SCNN1A: variants seen among roughly 807,000 people sequenced by gnomAD.
SCNN1A encodes sodium channel epithelial 1 subunit alpha.
A neutral mutation model predicts 68.6 loss-of-function variants in SCNN1A; 65 were observed. That is an observed-to-expected ratio of 0.95 (90% CI 0.78 to 1.16). The LOEUF is 1.16. SCNN1A is among the 50% of genes most tolerant of loss of function. SCNN1A has a pLI of 0.00. For synonymous variants in SCNN1A, 357 were observed against 353.3 expected (o/e 1.01, Z -0.12); for missense variants, 880 against 865.9 (o/e 1.02, Z -0.20).
At chr12:6,354,605 C>T (rs547068899) in intron 7 of SCNN1A, 50 bp from the exon 8 acceptor site, 2 of 1,454,580 alleles carry the variant, frequency 1.4e-6, no homozygotes, top group East Asian at 2.3e-5. Context: ...CTGAACTCAG[C>T]AGTTCTCTGC....
In SCNN1A at chr12:6,354,765, T is replaced by G; in HGVS notation, c.1227A>C (p.Ser409=). ...TGGGCCTCACCTGCTGTGTGTACTTTGAAGGGTAAAGGTTCTCAACAGGAA... is the reference window on the plus strand; with the variant it reads ...TGGGCCTCACCTGCTGTGTGTACTTGGAAGGGTAAAGGTTCTCAACAGGAA... ...SDVPVENLYP[S]KYTQQVCIHS... Residue 409 remains serine (S), a synonymous_variant, in exon 7 of 13, where the codon TCA becomes TCC. Transcript: ENST00000228916. The G allele has an allele frequency of 1.2e-6, 2 of 1,613,752 alleles. No homozygotes were observed. Among genetic ancestry groups the G allele is most frequent in the South Asian group, 2.2e-5 (2 of 91,056 alleles).
At chr12:6,368,804 G>A (rs1163436053) in intron 2 of SCNN1A, among the ~76,000 whole-genome samples, 1 of 152,144 alleles carries the variant, frequency 6.6e-6, no homozygotes, top group Admixed American at 6.5e-5. Flanking sequence ...TGGTGTTCCA[G>A]CCACACACTT....
Position 6,370,955 on chromosome 12 carries a change from C to A in SCNN1A, c.416+3413G>T, listed in dbSNP as rs555336928. Among the ~76,000 whole-genome samples, 5 of 152,282 alleles carry A rather than the reference C, an allele frequency of 3.3e-5. No homozygotes were observed. The East Asian group carries it at 9.7e-4, about 29-fold the overall frequency. ...TTTCCATGACTGTAGGTATGACTGGCCCTCTCCTTTCAGTGAAGAAGCCCT... is the reference window on the plus strand; with the variant it reads ...TTTCCATGACTGTAGGTATGACTGGACCTCTCCTTTCAGTGAAGAAGCCCT... On this transcript the variant is annotated intron_variant, in intron 2 of 12. Coordinates refer to ENST00000228916, the MANE Select transcript of SCNN1A (RefSeq NM_001038.6).
chr12:6,356,768 T>C (rs150931601), intron 4 of SCNN1A, among the ~76,000 whole-genome samples: 7 of 152,320 alleles, frequency 4.6e-5, no homozygotes, highest in African/African-American at 1.7e-4. Flanking sequence ...ATCTGTGTTC[T>C]GCTACCCTGC....
At position 6,374,853 on chromosome 12, in the gene SCNN1A, A is replaced by T; in HGVS notation, c.-54-16T>A. ...GCTTGTTCCCCTTCATGAGCCCCGG[A>T]GTGGATTGGGGAGAGCAAGGGTCAG... On this transcript the variant is annotated splice_polypyrimidine_tract_variant and intron_variant, in intron 1 of 12. Transcript: ENST00000228916. The surrounding 1 kb of genome is among the most constrained non-coding windows in gnomAD (Gnocchi z 6.2). The T allele has an allele frequency of 6.2e-7, 1 of 1,613,948 alleles. No individual in the cohort carries two copies. Among genetic ancestry groups the T allele is most frequent in the Non-Finnish European group, 8.5e-7 (1 of 1,179,984 alleles).
intron 2 of SCNN1A, among the ~76,000 whole-genome samples, chr12:6,366,628 C>G (rs1259226135): frequency 6.6e-6 from 1 of 151,882 alleles, no homozygotes; most frequent in African/African-American, 2.4e-5. Context: ...TGGAGAAACC[C>G]TGTCTCTACT....
chr12:6,350,029 A>T (rs1210827730), intron 8 of SCNN1A: 1 of 187,048 alleles, frequency 5.3e-6, no homozygotes, highest in South Asian at 7.9e-5. Context: ...CCTGGCCTAA[A>T]AAATAAATTA....
At chr12:6,377,180 G>C, upstream of SCNN1A, 3 of 1,318,268 alleles carry the variant, frequency 2.3e-6, no homozygotes, top group East Asian at 5.1e-5. Context: ...CCTCTCTTGC[G>C]GCAGTCTCTT....
upstream of SCNN1A, chr12:6,377,230 C>T (rs1364043413): frequency 1.9e-6 from 3 of 1,542,538 alleles, no homozygotes; most frequent in East Asian, 2.5e-5. Context: ...ACCAGGATTC[C>T]AAACCAGGTT....
chr12:6,347,582 G>A lies in SCNN1A; in HGVS notation c.*291C>T, dbSNP rs1948279695. Reference sequence around the variant, plus strand: ...TTGTCAAAGCTCCAAGTTTCGCTTGGCTGATCCAAGGGAAAAAGAGACTTA... The same window carrying A: ...TTGTCAAAGCTCCAAGTTTCGCTTGACTGATCCAAGGGAAAAAGAGACTTA... On this transcript the variant is annotated 3_prime_UTR_variant, in exon 13 of 13. Coordinates refer to ENST00000228916, the MANE Select transcript of SCNN1A (RefSeq NM_001038.6). The A allele has an allele frequency of 1.1e-5, 5 of 470,680 alleles. No individual in the cohort carries two copies. Among genetic ancestry groups the A allele is most frequent in the Non-Finnish European group, 1.9e-5 (5 of 259,322 alleles). 29.2% of individuals were successfully genotyped at this position (470,680 alleles called of 1,614,324 possible). A position where few individuals can be genotyped will look rare whatever the true frequency, so the allele number is the denominator to read the frequency against.
chr12:6,357,169 C>T (rs892569065), intron 4 of SCNN1A, among the ~76,000 whole-genome samples: 3 of 152,100 alleles, frequency 2.0e-5, no homozygotes, highest in African/African-American at 7.2e-5. Flanking sequence ...GTGAGCCCTT[C>T]GCACACAGAG....
At chr12:6,366,013 C>A (rs564067639) in intron 2 of SCNN1A, among the ~76,000 whole-genome samples, 40 of 152,240 alleles carry the variant, frequency 2.6e-4, no homozygotes, top group Admixed American at 5.9e-4. Flanking sequence ...TGCCACCACG[C>A]CCGGCTAATT....
rs1948324182 is a variant in SCNN1A at position 6,349,174 on chromosome 12, A to G, written c.1487T>C (p.Val496Ala). ...TTCCCCACACTCTACCTGGGATGTCACCGAGGGCCATCGTGAGTAACCAGC... is the reference window on the plus strand; with the variant it reads ...TTCCCCACACTCTACCTGGGATGTCGCCGAGGGCCATCGTGAGTAACCAGC... ...LSAGYSRWPS[V>A]TSQEWVFQML... is the part of the protein sequence containing the mutation. Residue 496 changes from valine to alanine, a missense_variant, in exon 10 of 13, where the codon GTG (valine) becomes GCG (alanine). By Grantham distance (64) the Val-to-Ala change is moderately conservative. Transcript: ENST00000228916. The G allele has an allele frequency of 2.5e-6, 4 of 1,614,020 alleles. No homozygotes were observed. Among genetic ancestry groups the G allele is most frequent in the Non-Finnish European group, 2.5e-6 (3 of 1,179,972 alleles).
intron 4 of SCNN1A, among the ~76,000 whole-genome samples, chr12:6,359,715 G>C (rs1394249682): frequency 1.3e-5 from 2 of 150,134 alleles, no homozygotes; most frequent in East Asian, 2.0e-4. Flanking sequence ...GCAGAACCCT[G>C]AGCCAATTAA....
chr12:6,362,430 G>A (rs1385909934), intron 3 of SCNN1A, among the ~76,000 whole-genome samples, 189 bp from the exon 4 acceptor site: 1 of 152,178 alleles, frequency 6.6e-6, no homozygotes, highest in East Asian at 1.9e-4. Flanking sequence ...GGGAGCATGG[G>A]ATTAAGGGAG....
rs1159112443 is a variant in SCNN1A, at chr12:6,354,481, G to C, written c.1317C>G (p.Pro439=). 6.2e-6 allele frequency: 10 copies of C among 1,613,558 alleles called. No individual in the cohort carries two copies. The highest frequency in any genetic ancestry group is 7.6e-6 in the Non-Finnish European group (9 of 1,179,972). The change falls in exon 8 of 13, where the codon CCC becomes CCG. Residue 439 remains proline, a synonymous_variant. Coordinates refer to ENST00000228916, the MANE Select transcript of SCNN1A (RefSeq NM_001038.6). The part of the protein sequence containing the change: ...CGCAYIFYPR[P]QNVEYCDYRK... Reference sequence around the variant, plus strand: ...TGTAGTCACAGTACTCCACGTTCTGGGGCCGCGGATAGAAGATGTAGGCAC... The same window carrying C: ...TGTAGTCACAGTACTCCACGTTCTGCGGCCGCGGATAGAAGATGTAGGCAC...
At chr12:6,363,388 CG>C in intron 3 of SCNN1A, 54 bp downstream of exon 3, 4 of 1,424,242 alleles carry the variant, frequency 2.8e-6, no homozygotes, top group Non-Finnish European at 3.7e-6. Context: ...CATGGGTGGG[CG>C]GGGCCAGGGG....
rs1217625686 is a variant in SCNN1A, at chr12:6,355,384, G to A, written c.1031C>T (p.Ser344Phe). The change falls in exon 6 of 13, where the codon TCC becomes TTC. Residue 344 changes from serine (S) to phenylalanine (F), a missense_variant. Physicochemically the swap from Ser to Phe is radical, Grantham distance 155 (BLOSUM62 -2). Coordinates refer to ENST00000228916, the MANE Select transcript of SCNN1A (RefSeq NM_001038.6). Reference protein sequence around the residue: ...AEQNDFIPLLSTVTGARVMVH... With the variant: ...AEQNDFIPLLFTVTGARVMVH... ...CATTACCCGGGCCCCAGTCACTGTG[G>A]ACAGCAGGGGAATGAAGTCATTCTG... 1 of 1,614,032 alleles carries A rather than the reference G, an allele frequency of 6.2e-7. No individual in the cohort carries two copies. Among genetic ancestry groups the A allele is most frequent in the South Asian group, 1.1e-5 (1 of 91,036 alleles).
intron 3 of SCNN1A, among the ~76,000 whole-genome samples, chr12:6,363,117 C>T (rs1031221244): frequency 6.9e-6 from 1 of 145,188 alleles, no homozygotes; most frequent in African/African-American, 2.5e-5. Context: ...CTTCCTGAAT[C>T]AAGGACCAGA....
Sources: allele counts gnomAD v4.1 joint callset (sites outside exome capture counted in the v4.1 genomes callset), GRCh38; gene constraint gnomAD v4.1.1; non-coding constraint Gnocchi (gnomAD v3.1); transcripts MANE v1.5; gene names NCBI Gene and HGNC (gene_info 2026-07-23, HGNC 2026-07-21).